Variants in TNIK observed in about 807,000 individuals in gnomAD.
TNIK encodes TRAF2 and NCK-interacting protein kinase.
A neutral mutation model predicts 191.3 loss-of-function variants in TNIK; 49 were observed. That is an observed-to-expected ratio of 0.26 (90% CI 0.20 to 0.32). The LOEUF (loss-of-function observed/expected upper bound fraction) is 0.32, where lower values mean the gene tolerates loss of function less well. Ranked by LOEUF, TNIK falls within the 10% of genes least tolerant of loss-of-function variation. The pLI, the probability that TNIK is intolerant of heterozygous loss-of-function variation, is 1.00. For synonymous variants in TNIK, 594 were observed against 600.9 expected, an observed-to-expected ratio of 0.99 and a Z score of 0.17; for missense variants, 1,155 against 1,702.3, an observed-to-expected ratio of 0.68 and a Z score of 5.66.
At chr3:171,257,156 T>C (rs1023095381) in intron 2 of TNIK, among the ~76,000 whole-genome samples, 2 of 152,212 alleles carry the variant, frequency 1.3e-5, no homozygotes, top group South Asian at 4.1e-4. Flanking sequence ...CACCACTGTA[T>C]GCTACTCTGC....
At chr3:171,369,826 A>G in intron 1 of TNIK, 141 bp from the exon 2 acceptor site, 1 of 536,156 alleles carries the variant, frequency 1.9e-6, no homozygotes, top group Admixed American at 3.4e-5. Context: ...ATTTAATACT[A>G]TCAAAATTTT....
At chr3:171,393,800 G>T (rs1719874902) in intron 1 of TNIK, among the ~76,000 whole-genome samples, 1 of 151,968 alleles carries the variant, frequency 6.6e-6, no homozygotes, top group East Asian at 1.9e-4. Flanking sequence ...CATTTATCAG[G>T]TATTTATTCT....
intron 2 of TNIK, among the ~76,000 whole-genome samples, chr3:171,239,836 G>C (rs1293375604): frequency 6.6e-6 from 1 of 152,098 alleles, no homozygotes; most frequent in Non-Finnish European, 1.5e-5. Flanking sequence ...TAGTTGCTGG[G>C]AGTAAGTAGT....
chr3:171,421,320 A>C (rs923308413), intron 1 of TNIK, among the ~76,000 whole-genome samples: 3 of 152,206 alleles, frequency 2.0e-5, no homozygotes, highest in Non-Finnish European at 2.9e-5. Context: ...GAGGTCCCTG[A>C]GCCTGACTGG....
chr3:171,166,039 A>G (rs1030524609), intron 10 of TNIK, among the ~76,000 whole-genome samples: 2 of 152,206 alleles, frequency 1.3e-5, no homozygotes, highest in Admixed American at 6.5e-5. Flanking sequence ...GTTTCCTCAA[A>G]GATAAATCCT....
At position 171,085,003 on chromosome 3, in the gene TNIK, A is replaced by G. The variant is rs1721156657; in HGVS notation, c.2998+115T>C. 1.0e-5 allele frequency: 7 copies of G among 689,144 alleles called. No homozygotes were observed. In the Admixed American group the frequency reaches 1.9e-4, roughly 18 times the overall value. 42.7% of individuals were successfully genotyped at this position (689,144 alleles called of 1,614,324 possible). On this transcript the variant is annotated intron_variant, in intron 25 of 32. Coordinates refer to ENST00000436636, the MANE Select transcript of TNIK (RefSeq NM_015028.4). ...AATTTTAAAAAGTCTTCCTTTTAAG[A>G]TAGGACCTAAGCAGTAATCAGCTTA...
At chr3:171,320,001 T>C (rs1179286461) in intron 2 of TNIK, among the ~76,000 whole-genome samples, 1 of 152,052 alleles carries the variant, frequency 6.6e-6, no homozygotes, top group African/African-American at 2.4e-5. Flanking sequence ...CCCGAAAGCG[T>C]AGGAGAGGAG....
chr3:171,412,677 G>T (rs1201207061), intron 1 of TNIK, among the ~76,000 whole-genome samples: 3 of 152,186 alleles, frequency 2.0e-5, no homozygotes, highest in Non-Finnish European at 4.4e-5. Flanking sequence ...AGAAGAAGGA[G>T]CAGGGCTTTT....
intron 1 of TNIK, among the ~76,000 whole-genome samples, chr3:171,435,530 GT>G (rs954911316): frequency 6.6e-6 from 1 of 152,186 alleles, no homozygotes; most frequent in Non-Finnish European, 1.5e-5. Flanking sequence ...ATATTATCAA[GT>G]TAAGAAAGAA....
chr3:171,076,514 T>C (rs1423253549), intron 28 of TNIK, among the ~76,000 whole-genome samples: 1 of 152,232 alleles, frequency 6.6e-6, no homozygotes, highest in African/African-American at 2.4e-5. Flanking sequence ...CATGGACTCC[T>C]TTGAACTGAA....
intron 1 of TNIK, among the ~76,000 whole-genome samples, chr3:171,449,976 C>T (rs1486406250): frequency 3.3e-5 from 5 of 151,588 alleles, no homozygotes; most frequent in Non-Finnish European, 7.4e-5. Context: ...ACGGAGGTTG[C>T]AGTCAGCCAA....
intron 1 of TNIK, among the ~76,000 whole-genome samples, chr3:171,394,880 C>T (rs931010276): frequency 6.6e-6 from 1 of 152,172 alleles, no homozygotes; most frequent in Non-Finnish European, 1.5e-5. Context: ...ATTGGCAAAA[C>T]AGTCTCGCAC....
intron 2 of TNIK, among the ~76,000 whole-genome samples, chr3:171,314,724 T>C (rs1419612028): frequency 1.3e-5 from 2 of 151,848 alleles, no homozygotes; most frequent in African/African-American, 2.4e-5. Context: ...AATAAATAAA[T>C]AATAAAACAC....
In TNIK at chr3:171,087,382, C is replaced by T. The variant is rs376646276; in HGVS notation, c.2846G>A (p.Arg949His). Residue 949 changes from arginine to histidine, a missense_variant, in exon 24 of 33, where the codon CGC becomes CAC. Arg to His is a conservative substitution (Grantham distance 29). Coordinates refer to ENST00000436636, the MANE Select transcript of TNIK (RefSeq NM_015028.4). Reference sequence around the variant, plus strand: ...CATCTCCTGGGAATGGGTTGAGACGCGCCCCAGTCCCTCAGTCGGGGTTCC... The same window carrying T: ...CATCTCCTGGGAATGGGTTGAGACGTGCCCCAGTCCCTCAGTCGGGGTTCC... ...PAGTPTEGLG[R>H]VSTHSQEMDS... 377 of 1,613,912 alleles carry T rather than the reference C, an allele frequency of 2.3e-4. No homozygotes were observed. The highest frequency in any genetic ancestry group is 5.2e-4 in the Admixed American group (31 of 60,030).
intron 12 of TNIK, among the ~76,000 whole-genome samples, chr3:171,151,774 A>G (rs1732465499): frequency 6.6e-6 from 1 of 152,238 alleles, no homozygotes; most frequent in South Asian, 2.1e-4. Flanking sequence ...TTTCCAGAGC[A>G]TCAATATGCT....
intron 2 of TNIK, among the ~76,000 whole-genome samples, chr3:171,271,123 G>A (rs912374671): frequency 1.3e-5 from 2 of 152,128 alleles, no homozygotes; most frequent in Non-Finnish European, 2.9e-5. Context: ...TTACCCTAAG[G>A]ACAAGCTTAT....
chr3:171,103,925 TA>T (rs1724103983), intron 21 of TNIK, among the ~76,000 whole-genome samples: 1 of 152,118 alleles, frequency 6.6e-6, no homozygotes, highest in African/African-American at 2.4e-5. Context: ...TTTCACTTGT[TA>T]AAATGACATA....
Position 171,125,832 on chromosome 3 carries a change from A to G in TNIK, c.2013+80T>C, listed in dbSNP as rs539146734. ...CTTTGGCATGATCACATTCTCCACT[A>G]CTACGAAAGGTCTGGAATAGTGGTA... On this transcript the variant is annotated intron_variant, in intron 17 of 32. Transcript: ENST00000436636. 3.9e-5 allele frequency: 61 copies of G among 1,555,556 alleles called. No homozygotes were observed. In the African/African-American group the frequency reaches 6.9e-4, roughly 18 times the overall value.
chr3:171,221,822 T>C (rs1248834883), intron 3 of TNIK, among the ~76,000 whole-genome samples: 1 of 151,950 alleles, frequency 6.6e-6, no homozygotes, highest in Non-Finnish European at 1.5e-5. Flanking sequence ...ATAGGGTGAG[T>C]GCAAACTATT....
Sources: gnomAD v4.1 joint callset for allele counts (sites outside exome capture counted in the v4.1 genomes callset) on GRCh38, gnomAD v4.1.1 for gene constraint, MANE v1.5 for transcripts, NCBI Gene and HGNC (gene_info 2026-07-23, HGNC 2026-07-21) for gene names.